Variants in RANBP2 observed in about 807,000 individuals in gnomAD.
RANBP2 encodes the protein E3 SUMO-protein ligase RanBP2.
In RANBP2, 57 loss-of-function variants were observed where a neutral mutation model predicts 303.6. The ratio of observed to expected loss-of-function variants is 0.19; its 90% CI spans 0.15 to 0.23. The LOEUF (loss-of-function observed/expected upper bound fraction) is 0.23, where lower values mean the gene tolerates loss of function less well. RANBP2 is among the 10% of genes least tolerant of loss of function. The pLI is 1.00. For synonymous variants in RANBP2, 1,167 were observed against 1,301.5 expected, an observed-to-expected ratio of 0.90 and a Z score of 2.23; for missense variants, 3,138 against 3,780.8, an observed-to-expected ratio of 0.83 and a Z score of 4.46.
At chr2:109,227,630 C>T in the RANBP2 span, among the ~76,000 whole-genome samples, 35 of 152,186 alleles carry the variant, frequency 2.3e-4, no homozygotes, top group Non-Finnish European at 4.6e-4. Flanking sequence ...TCTGGCCTGG[C>T]CATGCCCACT....
chr2:109,483,264 C>T, the RANBP2 span, among the ~76,000 whole-genome samples: 4 of 152,198 alleles, frequency 2.6e-5, no homozygotes, highest in East Asian at 7.7e-4. Context: ...ACTTGCAACC[C>T]GAGAGCCAGA....
At chr2:109,347,182 G>A in the RANBP2 span, among the ~76,000 whole-genome samples, 1 of 152,206 alleles carries the variant, frequency 6.6e-6, no homozygotes, top group Non-Finnish European at 1.5e-5. Flanking sequence ...TAGAAGTCTG[G>A]CAGCTTCTTA....
chr2:108,832,483 G>T, the RANBP2 span, among the ~76,000 whole-genome samples: 227 of 151,872 alleles, frequency 1.5e-3, no homozygotes, highest in African/African-American at 5.4e-3. Context: ...AAGTAGCTGG[G>T]ATTACAGGCA....
the RANBP2 span, chr2:109,130,109 CA>C: frequency 7.5e-7 from 1 of 1,325,724 alleles, no homozygotes; most frequent in South Asian, 2.0e-5. Context: ...GCGCCGGCGG[CA>C]AAGGTGAGTA....
chr2:109,656,541 T>C, the RANBP2 span, among the ~76,000 whole-genome samples: 1 of 152,192 alleles, frequency 6.6e-6, no homozygotes, highest in Non-Finnish European at 1.5e-5. Context: ...GGTTTCACCA[T>C]GTTGGCCAGG....
chr2:109,081,705 C>T, the RANBP2 span, among the ~76,000 whole-genome samples: 1 of 152,178 alleles, frequency 6.6e-6, no homozygotes, highest in Non-Finnish European at 1.5e-5. Context: ...AACTCATTCC[C>T]TGCTCTGGCA....
chr2:108,899,526 A>C, the RANBP2 span, among the ~76,000 whole-genome samples: 214 of 152,306 alleles, frequency 1.4e-3, 2 homozygotes, highest in African/African-American at 4.9e-3. Flanking sequence ...CATACAATAG[A>C]CTTTCCTTCT....
the RANBP2 span, among the ~76,000 whole-genome samples, chr2:108,842,782 A>G: frequency 8.5e-5 from 13 of 152,198 alleles, no homozygotes; most frequent in Non-Finnish European, 1.9e-4. Flanking sequence ...CTAGGGTGAA[A>G]AAGTCCAACT....
chr2:109,015,747 G>GT, the RANBP2 span, among the ~76,000 whole-genome samples: 42 of 152,178 alleles, frequency 2.8e-4, no homozygotes, highest in East Asian at 7.7e-3. Flanking sequence ...GACAGAGCAA[G>GT]ACTCTGTCTC....
At chr2:109,572,054 G>C in the RANBP2 span, among the ~76,000 whole-genome samples, 1 of 152,286 alleles carries the variant, frequency 6.6e-6, no homozygotes, top group Admixed American at 6.5e-5. Flanking sequence ...GCCAGGCATT[G>C]TACTAAATGC....
the RANBP2 span, among the ~76,000 whole-genome samples, chr2:109,474,868 A>G: frequency 6.6e-5 from 10 of 152,224 alleles, no homozygotes; most frequent in African/African-American, 2.4e-4. Flanking sequence ...TAGTCCAGCA[A>G]CCCTCCAGAG....
At chr2:109,546,688 C>G in the RANBP2 span, among the ~76,000 whole-genome samples, 1 of 152,044 alleles carries the variant, frequency 6.6e-6, no homozygotes, top group Non-Finnish European at 1.5e-5. Flanking sequence ...TAGTAAACAT[C>G]ACTGGAAAGC....
chr2:109,231,460 C>T, the RANBP2 span, among the ~76,000 whole-genome samples: 1 of 152,240 alleles, frequency 6.6e-6, no homozygotes, highest in Non-Finnish European at 1.5e-5. Context: ...AAGTCTCACC[C>T]ACATTCTAAT....
the RANBP2 span, among the ~76,000 whole-genome samples, chr2:109,444,056 A>C: frequency 2.6e-5 from 4 of 152,234 alleles, no homozygotes; most frequent in Non-Finnish European, 4.4e-5. Context: ...TTCCCTGACC[A>C]CAGTGGCATT....
chr2:108,924,589 G>T, the RANBP2 span, among the ~76,000 whole-genome samples: 2 of 152,184 alleles, frequency 1.3e-5, no homozygotes, highest in African/African-American at 4.8e-5. Flanking sequence ...CCCTGCTGAC[G>T]GTAGTGCTAA....
At chr2:109,648,116 T>C in the RANBP2 span, among the ~76,000 whole-genome samples, 2 of 152,020 alleles carry the variant, frequency 1.3e-5, no homozygotes. Context: ...ACTGAGAGCA[T>C]GAGAGGCACA....
the RANBP2 span, among the ~76,000 whole-genome samples, chr2:109,520,748 C>G: frequency 0.034 from 4,640 of 137,966 alleles, 551 homozygotes; most frequent in African/African-American, 0.11. Context: ...CTGGCCAATA[C>G]GGTGAAACCC....
the RANBP2 span, among the ~76,000 whole-genome samples, chr2:109,322,149 G>A: frequency 6.6e-6 from 1 of 152,178 alleles, no homozygotes; most frequent in Non-Finnish European, 1.5e-5. Flanking sequence ...GGGGGAGGAA[G>A]AGAGAGACAA....
rs1676900160 is a variant in RANBP2, at chr2:108,763,615, A to G, written c.3076A>G (p.Thr1026Ala). The G allele has an allele frequency of 6.2e-7, 1 of 1,613,976 alleles. No homozygotes were observed. The highest frequency in any genetic ancestry group is 1.7e-5 in the Admixed American group (1 of 59,986). Residue 1026 changes from threonine to alanine, a missense_variant, in exon 20 of 29, where the codon ACA becomes GCA. Physicochemically the swap from Thr to Ala is moderately conservative, Grantham distance 58 (BLOSUM62 0). Coordinates refer to ENST00000283195, the MANE Select transcript of RANBP2 (RefSeq NM_006267.5). ...RPSLPTQAHT[T>A]QPTPFKFNSN... is the part of the protein sequence containing the mutation. ...ATCTTTGCCAACACAAGCACACACA[A>G]CACAGCCAACTCCTTTTAAATTTAA...
Sources: allele counts gnomAD v4.1 joint callset (sites outside exome capture counted in the v4.1 genomes callset), GRCh38; gene constraint gnomAD v4.1.1; transcripts MANE v1.5; gene names NCBI Gene and HGNC (gene_info 2026-07-23, HGNC 2026-07-21).